Variants in PAPOLG observed in about 807,000 individuals in gnomAD.
PAPOLG encodes PAP-gamma.
Under a neutral mutation model 99.0 loss-of-function variants are expected in PAPOLG, and 40 were observed. The observed-to-expected ratio is 0.40, with a 90% CI of 0.31 to 0.53. The LOEUF (loss-of-function observed/expected upper bound fraction) is 0.53, where lower values mean the gene tolerates loss of function less well. Among genes scored for constraint, PAPOLG ranks in the 20% least tolerant of loss-of-function variants. The pLI, the probability that PAPOLG is intolerant of heterozygous loss-of-function variation, is 0.41. For missense variants in PAPOLG, 675 were observed against 884.1 expected, an observed-to-expected ratio of 0.76 and a Z score of 3.00; for synonymous variants, 310 against 299.3, an observed-to-expected ratio of 1.04 and a Z score of -0.37.
At chr2:60,765,827 TAC>T (rs1397304475) in intron 3 of PAPOLG, among the ~76,000 whole-genome samples, 2 of 152,192 alleles carry the variant, frequency 1.3e-5, no homozygotes, top group African/African-American at 2.4e-5. Flanking sequence ...TCAATAAATT[TAC>T]AGATTCCTGG....
intron 15 of PAPOLG, among the ~76,000 whole-genome samples, chr2:60,789,682 G>A (rs1177346285): frequency 1.3e-5 from 2 of 152,128 alleles, no homozygotes. Flanking sequence ...TAAATTTGGG[G>A]TTATTTATCT....
intron 1 of PAPOLG, among the ~76,000 whole-genome samples, chr2:60,758,330 T>G (rs78495486): frequency 9.8e-4 from 13 of 13,256 alleles, no homozygotes; most frequent in African/African-American, 3.3e-3. Flanking sequence ...TTTCTGGGGT[T>G]TTTTTTTTTT....
At chr2:60,789,681 G>A (rs1408600587) in intron 15 of PAPOLG, among the ~76,000 whole-genome samples, 1 of 152,046 alleles carries the variant, frequency 6.6e-6, no homozygotes, top group African/African-American at 2.4e-5. Flanking sequence ...ATAAATTTGG[G>A]GTTATTTATC....
At chr2:60,775,993 G>C (rs55770917) in intron 8 of PAPOLG, among the ~76,000 whole-genome samples, 20,820 of 152,194 alleles carry the variant, frequency 0.14, 1,762 homozygotes, top group Middle Eastern at 0.2. Context: ...TCCAACTCCT[G>C]ACCTTGTGAT....
At chr2:60,773,984 A>T (rs907103863) in intron 7 of PAPOLG, among the ~76,000 whole-genome samples, 2 of 152,242 alleles carry the variant, frequency 1.3e-5, no homozygotes, top group Non-Finnish European at 2.9e-5. Flanking sequence ...TTGAGCTTAC[A>T]ACTTACACAG....
At chr2:60,757,636 G>C (rs1670388339) in intron 1 of PAPOLG, among the ~76,000 whole-genome samples, 1 of 151,930 alleles carries the variant, frequency 6.6e-6, no homozygotes, top group South Asian at 2.1e-4. Flanking sequence ...TTATTGTATT[G>C]TATTCTATTG....
intron 1 of PAPOLG, 133 bp downstream of exon 1, chr2:60,756,628 C>T: frequency 9.8e-7 from 1 of 1,015,416 alleles, no homozygotes; most frequent in East Asian, 2.9e-5. Context: ...CTTCCCGGCT[C>T]CCGGCCGGTC....
chr2:60,792,225 A>G lies in PAPOLG; in HGVS notation c.1615A>G (p.Asn539Asp). 6.2e-7 allele frequency: 1 copy of G among 1,610,016 alleles called. No individual in the cohort carries two copies. Among genetic ancestry groups the G allele is most frequent in the Non-Finnish European group, 8.5e-7 (1 of 1,179,240 alleles). ...TCTGGATAGCTCCAGAGACACTGAT[A>G]ATGGAACACCTTTTAATTCTCCAGC... ...SCLDSSRDTD[N>D]GTPFNSPASK... The change falls in exon 17 of 22, where the codon AAT becomes GAT. Residue 539 changes from asparagine to aspartate, a missense_variant. This residue lies in a region of PAPOLG where 413 missense variants were observed against 460.5 expected (regional missense o/e 0.90). Transcript: ENST00000238714.
intron 8 of PAPOLG, among the ~76,000 whole-genome samples, chr2:60,776,866 C>T (rs1050362143): frequency 6.6e-6 from 1 of 152,372 alleles, no homozygotes; most frequent in Non-Finnish European, 1.5e-5. Flanking sequence ...GCTGTTTCAT[C>T]TACATTGATA....
intron 8 of PAPOLG, among the ~76,000 whole-genome samples, chr2:60,778,553 T>C (rs1024633161): frequency 6.6e-6 from 1 of 152,068 alleles, no homozygotes; most frequent in Admixed American, 6.6e-5. Flanking sequence ...ATTGCACAAC[T>C]CTCAGTATAC....
At chr2:60,764,098 C>T (rs1311391780) in intron 3 of PAPOLG, among the ~76,000 whole-genome samples, 2 of 152,140 alleles carry the variant, frequency 1.3e-5, no homozygotes, top group African/African-American at 4.8e-5. Context: ...CCACCATGCC[C>T]TGCCTCACAA....
intron 7 of PAPOLG, 147 bp from the exon 8 acceptor site, chr2:60,774,887 A>C: frequency 3.7e-6 from 5 of 1,362,266 alleles, no homozygotes; most frequent in Non-Finnish European, 4.9e-6. Flanking sequence ...ATTTCTCATA[A>C]GTGGTAAATT....
At chr2:60,783,499 C>CA (rs1344359590) in intron 13 of PAPOLG, among the ~76,000 whole-genome samples, 1 of 84,796 alleles carries the variant, frequency 1.2e-5, no homozygotes, top group Non-Finnish European at 2.6e-5. Context: ...CTTTACCCGG[C>CA]CTTTTTTTTT....
chr2:60,794,348 A>G (rs1671634744), intron 19 of PAPOLG, 157 bp downstream of exon 19: 7 of 794,344 alleles, frequency 8.8e-6, no homozygotes, highest in Non-Finnish European at 1.3e-5. Flanking sequence ...CTCATCCTAA[A>G]TTGAAATTAC....
rs1671831608 is a variant in PAPOLG at position 60,801,478 on chromosome 2, C to G, written c.*4318C>G. On this transcript the variant is annotated 3_prime_UTR_variant, in exon 22 of 22. Transcript: ENST00000238714. ...TTTTTTTTTAAGATGGAGTCTCGCT[C>G]CGTCACCCAGGCTGGAATGCAGTGG... 1 of 151,748 alleles carries G rather than the reference C, an allele frequency of 6.6e-6. No individual in the cohort carries two copies. Among genetic ancestry groups the G allele is most frequent in the Admixed American group, 6.6e-5 (1 of 15,216 alleles). 9.4% of individuals were successfully genotyped at this position (151,748 alleles called of 1,614,324 possible).
chr2:60,760,086 G>A (rs937273634), intron 1 of PAPOLG, 48 bp from the exon 2 acceptor site: 2 of 1,558,760 alleles, frequency 1.3e-6, no homozygotes. Context: ...TATCAGTATG[G>A]TATATACTTT....
chr2:60,774,818 G>T (rs1670968427), intron 7 of PAPOLG, among the ~76,000 whole-genome samples: 1 of 152,100 alleles, frequency 6.6e-6, no homozygotes, highest in South Asian at 2.1e-4. Context: ...AAATACTCAG[G>T]CACATCTCAT....
rs1573227866 is a variant in PAPOLG at position 60,770,615 on chromosome 2, G to T, written c.492+104G>T. The T allele has an allele frequency of 6.2e-5, 42 of 673,724 alleles. No homozygotes were observed. In the East Asian group the frequency reaches 7.8e-4, roughly 13 times the overall value. 41.7% of individuals were successfully genotyped at this position (673,724 alleles called of 1,614,324 possible). A position where few individuals can be genotyped will look rare whatever the true frequency, so the allele number is the denominator to read the frequency against. On this transcript the variant is annotated intron_variant, in intron 6 of 21. Coordinates refer to ENST00000238714, the MANE Select transcript of PAPOLG (RefSeq NM_022894.4). ...ATAAATGCATATTTTAAAAAATCAA[G>T]TAATCTCTTTTTTTTTTTTTAATGA...
intron 5 of PAPOLG, among the ~76,000 whole-genome samples, chr2:60,769,672 A>C (rs921614790): frequency 1.3e-5 from 2 of 152,204 alleles, no homozygotes; most frequent in Non-Finnish European, 2.9e-5. Flanking sequence ...TTCTAACTCT[A>C]GTAGCCTTTC....
Sources: allele counts gnomAD v4.1 joint callset (sites outside exome capture counted in the v4.1 genomes callset), GRCh38; gene constraint gnomAD v4.1.1; regional missense constraint gnomAD v4.1.1; transcripts MANE v1.5; gene names NCBI Gene and HGNC (gene_info 2026-07-23, HGNC 2026-07-21).